The following KCND2 variants were observed in gnomAD, a reference collection of about 807,000 sequenced individuals.
KCND2 encodes the protein A-type voltage-gated potassium channel KCND2.
In KCND2, 16 loss-of-function variants were observed where a neutral mutation model predicts 54.4. That is an observed-to-expected ratio of 0.29 (90% CI 0.20 to 0.45). The LOEUF is 0.45. KCND2 is among the 20% of genes least tolerant of loss of function. The pLI is 1.00. For synonymous variants in KCND2, 317 were observed against 310.7 expected (o/e 1.02, Z -0.21); for missense variants, 486 against 824.2 (o/e 0.59, Z 5.02).
At chr7:120,441,674 G>T (rs951346763) in intron 1 of KCND2, among the ~76,000 whole-genome samples, 1 of 152,068 alleles carries the variant, frequency 6.6e-6, no homozygotes, top group South Asian at 2.1e-4. Context: ...AGATTTTCCT[G>T]TATCTAGTTA....
intron 1 of KCND2, among the ~76,000 whole-genome samples, chr7:120,296,788 G>A (rs1340709803): frequency 1.3e-5 from 2 of 152,004 alleles, no homozygotes; most frequent in Non-Finnish European, 2.9e-5. Flanking sequence ...ATAAAACACA[G>A]CCAGATCTGT....
intron 1 of KCND2, among the ~76,000 whole-genome samples, chr7:120,358,454 GA>G (rs1264863907): frequency 6.6e-6 from 1 of 152,090 alleles, no homozygotes; most frequent in Non-Finnish European, 1.5e-5. Context: ...CTCTTGCACT[GA>G]ATTCAAACTT....
intron 1 of KCND2, among the ~76,000 whole-genome samples, chr7:120,598,303 A>C (rs1792772315): frequency 1.3e-5 from 2 of 152,128 alleles, no homozygotes. Flanking sequence ...TAATGGAAAT[A>C]TATTACTGCT....
intron 1 of KCND2, among the ~76,000 whole-genome samples, chr7:120,379,096 T>C (rs1800878938): frequency 1.3e-5 from 2 of 152,072 alleles, no homozygotes; most frequent in Admixed American, 1.3e-4. Context: ...AAGTTAACTC[T>C]TTCTTATGAA....
intron 1 of KCND2, among the ~76,000 whole-genome samples, chr7:120,505,291 C>G (rs1250116247): frequency 6.6e-6 from 1 of 151,606 alleles, no homozygotes; most frequent in Admixed American, 6.6e-5. Flanking sequence ...CCCTTAACAT[C>G]TATCTTAGGA....
chr7:120,555,933 G>T (rs1017429296), intron 1 of KCND2, among the ~76,000 whole-genome samples: 5 of 152,142 alleles, frequency 3.3e-5, no homozygotes, highest in Non-Finnish European at 7.4e-5. Context: ...ATGCCATATT[G>T]CTTATATTTA....
intron 1 of KCND2, among the ~76,000 whole-genome samples, chr7:120,552,276 GTAAC>G (rs1792112868): frequency 6.6e-6 from 1 of 152,168 alleles, no homozygotes; most frequent in Admixed American, 6.5e-5. Context: ...ATGTGAAAGA[GTAAC>G]TAATAGTGAG....
intron 1 of KCND2, among the ~76,000 whole-genome samples, chr7:120,324,777 A>G (rs1374100693): frequency 5.3e-5 from 8 of 152,040 alleles, no homozygotes; most frequent in African/African-American, 1.7e-4. Context: ...TGACTTGGCA[A>G]TGAGGGCTCT....
At position 120,342,235 on chromosome 7, in the gene KCND2, A is replaced by G. The variant is rs1030875082; in HGVS notation, c.1115+66488A>G. On this transcript the variant is annotated intron_variant, in intron 1 of 5. Coordinates refer to ENST00000331113, the MANE Select transcript of KCND2 (RefSeq NM_012281.3). ...CCATTTATGAATTGAGTTCTTCATTAAAGTGTTTTGTCTCTGGAATGGGAT... is the reference window on the plus strand; with the variant it reads ...CCATTTATGAATTGAGTTCTTCATTGAAGTGTTTTGTCTCTGGAATGGGAT... Among the ~76,000 whole-genome samples, 9 of 152,160 alleles carry G rather than the reference A, an allele frequency of 5.9e-5. 1 individual carries two copies. The highest frequency in any genetic ancestry group is 2.0e-4 in the Admixed American group (3 of 15,268).
At chr7:120,423,110 T>A (rs987829240) in intron 1 of KCND2, among the ~76,000 whole-genome samples, 38 of 152,182 alleles carry the variant, frequency 2.5e-4, no homozygotes, top group African/African-American at 9.2e-4. Context: ...TTCCCAGACT[T>A]ATTTGTTCAG....
intron 1 of KCND2, among the ~76,000 whole-genome samples, chr7:120,612,648 C>G (rs1350683627): frequency 6.6e-6 from 1 of 152,154 alleles, no homozygotes; most frequent in Non-Finnish European, 1.5e-5. Flanking sequence ...CCATAATACA[C>G]AGGGAAACTC....
At chr7:120,423,994 T>C (rs1156294948) in intron 1 of KCND2, among the ~76,000 whole-genome samples, 5 of 152,236 alleles carry the variant, frequency 3.3e-5, no homozygotes, top group Non-Finnish European at 7.3e-5. Flanking sequence ...TGTCTCTAGT[T>C]CTTCTAAAGG....
chr7:120,710,909 T>C (rs1438594802), intron 1 of KCND2, among the ~76,000 whole-genome samples: 1 of 152,130 alleles, frequency 6.6e-6, no homozygotes, highest in Non-Finnish European at 1.5e-5. Context: ...AACTATTATA[T>C]CTTTTTTATA....
chr7:120,598,559 T>C (rs1792775410), intron 1 of KCND2, among the ~76,000 whole-genome samples: 1 of 134,680 alleles, frequency 7.4e-6, no homozygotes, highest in South Asian at 3.0e-4. Context: ...TATTATCAGG[T>C]CTTGGTGGGG....
At chr7:120,503,916 G>C (rs910352784) in intron 1 of KCND2, among the ~76,000 whole-genome samples, 1 of 151,822 alleles carries the variant, frequency 6.6e-6, no homozygotes, top group Admixed American at 6.6e-5. Flanking sequence ...CCGCAAATCC[G>C]CCTCTGCATC....
rs1299604931 is a variant in KCND2 at position 120,748,048 on chromosome 7, C to A, written c.*190C>A. The A allele has an allele frequency of 1.7e-6, 1 of 571,448 alleles. No homozygotes were observed. Among genetic ancestry groups the A allele is most frequent in the East Asian group, 3.1e-5 (1 of 32,622 alleles). 35.4% of individuals were successfully genotyped at this position (571,448 alleles called of 1,614,324 possible). Reference sequence around the variant, plus strand: ...CAAATGGCATTTCTAGACAGTTTGACCTGTTATACAGAGTAATATTCTGTG... The same window carrying A: ...CAAATGGCATTTCTAGACAGTTTGAACTGTTATACAGAGTAATATTCTGTG... On this transcript the variant is annotated 3_prime_UTR_variant, in exon 6 of 6. Transcript: ENST00000331113.
At chr7:120,451,942 G>A (rs754784424) in intron 1 of KCND2, among the ~76,000 whole-genome samples, 1 of 152,184 alleles carries the variant, frequency 6.6e-6, no homozygotes, top group Non-Finnish European at 1.5e-5. Flanking sequence ...TTCCTGTTTT[G>A]TGAACTGTTT....
At chr7:120,660,009 G>A (rs1201758409) in intron 1 of KCND2, among the ~76,000 whole-genome samples, 1 of 152,086 alleles carries the variant, frequency 6.6e-6, no homozygotes, top group Non-Finnish European at 1.5e-5. Flanking sequence ...CACCTCTGAC[G>A]ACATGCAGGT....
At position 120,624,291 on chromosome 7, in the gene KCND2, T is replaced by C. The variant is rs141224234; in HGVS notation, c.1116-108612T>C. 4.3e-4 allele frequency among the ~76,000 whole-genome samples: 65 copies of C among 152,288 alleles called. No individual in the cohort carries two copies. In the East Asian group the frequency reaches 6.4e-3, roughly 15 times the overall value. On this transcript the variant is annotated intron_variant, in intron 1 of 5. Transcript: ENST00000331113. ...CAGTATATTTCCCTCTCGAGATAAA[T>C]TTGCTCATGGATTTTTCTACTAAAA...
Sources: allele counts gnomAD v4.1 joint callset (sites outside exome capture counted in the v4.1 genomes callset), GRCh38; gene constraint gnomAD v4.1.1; transcripts MANE v1.5; gene names NCBI Gene and HGNC (gene_info 2026-07-23, HGNC 2026-07-21).